Variants in APBB2 observed in about 807,000 individuals in gnomAD.
APBB2 encodes the protein amyloid beta precursor protein binding family B member 2.
A neutral mutation model predicts 82.5 loss-of-function variants in APBB2; 38 were observed. That is an observed-to-expected ratio of 0.46 (90% CI 0.36 to 0.60). APBB2 has a LOEUF of 0.60. APBB2 is among the 20% of genes least tolerant of loss of function. The pLI, the probability that APBB2 is intolerant of heterozygous loss-of-function variation, is 0.00. For missense variants in APBB2, 772 were observed against 972.3 expected (o/e 0.79, Z 2.74); for synonymous variants, 341 against 368.2 (o/e 0.93, Z 0.85).
intron 10 of APBB2, among the ~76,000 whole-genome samples, chr4:40,906,736 A>G (rs118084743): frequency 6.6e-6 from 1 of 152,220 alleles, no homozygotes; most frequent in East Asian, 1.9e-4. Context: ...TGACCATGAA[A>G]GGACTTGAAC....
At chr4:41,030,157 A>T (rs1192218796) in intron 5 of APBB2, among the ~76,000 whole-genome samples, 1 of 152,068 alleles carries the variant, frequency 6.6e-6, no homozygotes, top group Non-Finnish European at 1.5e-5. Flanking sequence ...CTCCATCTCA[A>T]AACAAAAAGA....
At chr4:41,044,708 A>G (rs903168746) in intron 4 of APBB2, among the ~76,000 whole-genome samples, 4 of 152,230 alleles carry the variant, frequency 2.6e-5, no homozygotes, top group Admixed American at 6.5e-5. Context: ...TCTAAGAACA[A>G]TCTAATTCTC....
In APBB2 at chr4:40,987,017, A is replaced by C. The variant is rs149001520; in HGVS notation, c.835+26566T>G. On this transcript the variant is annotated intron_variant, in intron 6 of 17. Coordinates refer to ENST00000508593, the MANE Select transcript of APBB2 (RefSeq NM_004307.2). ...TAAAATGTAATCAATAATTTAAAGCAAAGCCAAAAATCATATCAGTTAAAA... is the reference window on the plus strand; with the variant it reads ...TAAAATGTAATCAATAATTTAAAGCCAAGCCAAAAATCATATCAGTTAAAA... Among the ~76,000 whole-genome samples, 264 of 152,330 alleles carry C rather than the reference A, an allele frequency of 1.7e-3. 1 individual carries two copies. The highest frequency in any genetic ancestry group is 6.2e-3 in the African/African-American group (256 of 41,576).
chr4:40,964,964 T>TA (rs1441430562), intron 6 of APBB2, among the ~76,000 whole-genome samples: 4 of 151,678 alleles, frequency 2.6e-5, no homozygotes, highest in African/African-American at 7.3e-5. Context: ...ACTAAAAATA[T>TA]AAAAAATTAG....
In APBB2 at chr4:40,944,867, C is replaced by G. The variant is rs74847771; in HGVS notation, c.1042G>C (p.Glu348Gln). Reference protein sequence around the residue: ...SVTPSPTPENEKQPWSDFAVL... With the variant: ...SVTPSPTPENQKQPWSDFAVL... ...GGTAAAAAGACACTCCGTTTTACCT[C>G]GTTCTCTGGGGTGGGAGATGGCGTT... is the stretch of plus-strand genomic sequence containing the variant. Residue 348 changes from glutamate to glutamine, a missense_variant and splice_region_variant, in exon 7 of 18, where the codon GAG (glutamate) becomes CAG (glutamine). Transcript: ENST00000508593. 2 of 1,612,640 alleles carry G rather than the reference C, an allele frequency of 1.2e-6. No homozygotes were observed. The highest frequency in any genetic ancestry group is 1.7e-6 in the Non-Finnish European group (2 of 1,179,924).
At chr4:41,108,849 T>C (rs1162920573) in intron 2 of APBB2, among the ~76,000 whole-genome samples, 2 of 152,148 alleles carry the variant, frequency 1.3e-5, no homozygotes, top group African/African-American at 2.4e-5. Context: ...GTCTATCCAG[T>C]CTCAAAACTG....
intron 2 of APBB2, among the ~76,000 whole-genome samples, chr4:41,137,186 A>G (rs1757814556): frequency 6.6e-6 from 1 of 152,214 alleles, no homozygotes; most frequent in Non-Finnish European, 1.5e-5. Context: ...TCTATTTAGT[A>G]AAATAATAGT....
At chr4:41,005,248 G>A (rs1806374163) in intron 6 of APBB2, among the ~76,000 whole-genome samples, 1 of 151,944 alleles carries the variant, frequency 6.6e-6, no homozygotes, top group South Asian at 2.1e-4. Flanking sequence ...GTGCCACCAC[G>A]CCCAACTAAT....
chr4:41,027,359 T>C (rs10032718), intron 5 of APBB2, among the ~76,000 whole-genome samples: 112,678 of 138,666 alleles, frequency 0.81, 45,503 homozygotes, highest in East Asian at 0.89. Context: ...ATAAACATAT[T>C]GTTACATATA....
intron 3 of APBB2, among the ~76,000 whole-genome samples, chr4:41,072,204 C>T (rs113190801): frequency 1.6e-4 from 24 of 152,238 alleles, no homozygotes; most frequent in South Asian, 6.2e-4. Flanking sequence ...AAATTGATGG[C>T]GAATAGAGGG....
intron 1 of APBB2, among the ~76,000 whole-genome samples, chr4:41,153,918 G>A (rs772232851): frequency 1.8e-4 from 27 of 152,104 alleles, no homozygotes; most frequent in African/African-American, 5.8e-4. Flanking sequence ...AGAGCTAGAC[G>A]CGTAAGGAGT....
At chr4:41,050,183 T>A (rs1725426603) in intron 4 of APBB2, among the ~76,000 whole-genome samples, 1 of 152,142 alleles carries the variant, frequency 6.6e-6, no homozygotes, top group Admixed American at 6.5e-5. Context: ...GGAATAAACA[T>A]ACAAAAAGCA....
chr4:41,209,669 C>T (rs75870531), intron 1 of APBB2, among the ~76,000 whole-genome samples: 3,578 of 152,302 alleles, frequency 0.023, 71 homozygotes, highest in Middle Eastern at 0.051. Context: ...AAAGTCTCCC[C>T]GCAGAAAATG....
At chr4:41,104,715 A>C (rs149152156) in intron 2 of APBB2, among the ~76,000 whole-genome samples, 1 of 152,144 alleles carries the variant, frequency 6.6e-6, no homozygotes. Flanking sequence ...TACATACTCA[A>C]TGTTTAGCTC....
chr4:40,813,798 A>G lies in APBB2; in HGVS notation c.*2294T>C, dbSNP rs1744935593. 6.6e-6 allele frequency: 1 copy of G among 152,232 alleles called. No individual in the cohort carries two copies. Among genetic ancestry groups the G allele is most frequent in the African/African-American group, 2.4e-5 (1 of 41,458 alleles). The allele number at this position is 152,232 out of a possible 1,614,324, so 9.4% of individuals were successfully genotyped here. A position where few individuals can be genotyped will look rare whatever the true frequency, so the allele number is the denominator to read the frequency against. ...TAATTTGTTTAGAATTTTGAAATTTATCACACTAAAATGTTTCACTACAGC... is the reference window on the plus strand; with the variant it reads ...TAATTTGTTTAGAATTTTGAAATTTGTCACACTAAAATGTTTCACTACAGC... On this transcript the variant is annotated 3_prime_UTR_variant, in exon 18 of 18. Coordinates refer to ENST00000508593, the MANE Select transcript of APBB2 (RefSeq NM_004307.2).
intron 17 of APBB2, among the ~76,000 whole-genome samples, chr4:40,820,437 G>C (rs1747457481): frequency 6.6e-6 from 1 of 152,168 alleles, no homozygotes; most frequent in Non-Finnish European, 1.5e-5. Flanking sequence ...GCTGAGGCGG[G>C]TGGATTACCT....
At chr4:40,910,926 A>G (rs1427445817) in intron 10 of APBB2, among the ~76,000 whole-genome samples, 1 of 152,252 alleles carries the variant, frequency 6.6e-6, no homozygotes, top group African/African-American at 2.4e-5. Flanking sequence ...AGCACAGCCT[A>G]TGGGAAGCAG....
At chr4:41,039,326 C>G (rs930571868) in intron 4 of APBB2, among the ~76,000 whole-genome samples, 2 of 152,294 alleles carry the variant, frequency 1.3e-5, no homozygotes, top group African/African-American at 2.4e-5. Flanking sequence ...TAGCCACCCC[C>G]AAACCCCAAC....
At chr4:41,126,339 C>G (rs1754395818) in intron 2 of APBB2, among the ~76,000 whole-genome samples, 1 of 152,096 alleles carries the variant, frequency 6.6e-6, no homozygotes, top group African/African-American at 2.4e-5. Context: ...AGCTGTTTCA[C>G]ACCTCTGCAC....
Sources: allele counts gnomAD v4.1 joint callset (sites outside exome capture counted in the v4.1 genomes callset), GRCh38; gene constraint gnomAD v4.1.1; transcripts MANE v1.5; gene names NCBI Gene and HGNC (gene_info 2026-07-23, HGNC 2026-07-21).